The following TUBGCP5 variants were observed in gnomAD, a reference collection of about 807,000 sequenced individuals.
TUBGCP5 encodes the protein gamma-tubulin complex component 5.
In TUBGCP5, 98 loss-of-function variants were observed where a neutral mutation model predicts 134.7. That is an observed-to-expected ratio of 0.73 (90% confidence interval 0.62 to 0.86). The LOEUF is 0.86. TUBGCP5 is among the 40% of genes least tolerant of loss of function. TUBGCP5 has a pLI of 0.00. For synonymous variants in TUBGCP5, 456 were observed against 431.4 expected (o/e 1.06, Z -0.71); for missense variants, 1,150 against 1,244.8 (o/e 0.92, Z 1.15).
intron 21 of TUBGCP5, among the ~76,000 whole-genome samples, 181 bp downstream of exon 21, chr15:23,002,884 C>T (rs1346672440): frequency 6.9e-6 from 1 of 145,608 alleles, no homozygotes; most frequent in East Asian, 2.0e-4. Flanking sequence ...AATACTTGCA[C>T]TTTTTTTTTT....
chr15:23,004,159 A>C lies in TUBGCP5; in HGVS notation c.2781T>G (p.Ile927Met). Reference sequence around the variant, plus strand: ...TTGACAGATACCTATAGTGAATTTTAATCAATTGATCTAAATCCTTGGCTT... The same window carrying C: ...TTGACAGATACCTATAGTGAATTTTCATCAATTGATCTAAATCCTTGGCTT... ...VEEAKDLDQL[I>M]KIHYRYLSTI... Residue 927 changes from isoleucine (I) to methionine (M), a missense_variant, in exon 20 of 23, where the codon ATT becomes ATG. Around this residue, in one of 2 missense-constraint regions of TUBGCP5, gnomAD observed 697 missense variants for 850.1 expected, o/e 0.82. Coordinates refer to ENST00000615383, the MANE Select transcript of TUBGCP5 (RefSeq NM_052903.6). The C allele has an allele frequency of 6.2e-7, 1 of 1,613,392 alleles. No homozygotes were observed. Among genetic ancestry groups the C allele is most frequent in the Non-Finnish European group, 8.5e-7 (1 of 1,179,740 alleles).
chr15:23,004,041 A>G, intron 20 of TUBGCP5, 61 bp downstream of exon 20: 3 of 1,526,898 alleles, frequency 2.0e-6, no homozygotes, highest in South Asian at 1.3e-5. Flanking sequence ...AAAATTCCAA[A>G]GCACGCAGAC....
At position 23,006,327 on chromosome 15, in the gene TUBGCP5, C is replaced by T; in HGVS notation, c.2353G>A (p.Asp785Asn). Reference sequence around the variant, plus strand: ...ACAGGCAGCTTCTTCTTAGCTGTGTCAACATTTTCAAAAGATATAGATAGA... The same window carrying T: ...ACAGGCAGCTTCTTCTTAGCTGTGTTAACATTTTCAAAAGATATAGATAGA... ...SRLSISFENV[D>N]TAKKKLPVHI... The change falls in exon 17 of 23, where the codon GAC (aspartate) becomes AAC (asparagine). Residue 785 changes from aspartate to asparagine, a missense_variant. Around this residue, in one of 2 missense-constraint regions of TUBGCP5, gnomAD observed 697 missense variants for 850.1 expected, o/e 0.82. Coordinates refer to ENST00000615383, the MANE Select transcript of TUBGCP5 (RefSeq NM_052903.6). 2 of 1,606,860 alleles carry T rather than the reference C, an allele frequency of 1.2e-6. No homozygotes were observed. Among genetic ancestry groups the T allele is most frequent in the Non-Finnish European group, 1.7e-6 (2 of 1,178,518 alleles).
chr15:22,996,898 T>G (rs2064106010), downstream of TUBGCP5: 1 of 151,974 alleles, frequency 6.6e-6, no homozygotes, highest in Non-Finnish European at 1.5e-5. Context: ...TCCCCGGAGG[T>G]TGAGGCTTCA....
intron 1 of TUBGCP5, among the ~76,000 whole-genome samples, chr15:23,037,403 CTTCCCA>C (rs2066656479): frequency 6.6e-6 from 1 of 152,166 alleles, no homozygotes; most frequent in African/African-American, 2.4e-5. Context: ...GCTCCTCTGT[CTTCCCA>C]TAAGCCCCTG....
Position 23,010,101 on chromosome 15 carries a change from T to A in TUBGCP5, c.1988A>T (p.Lys663Met). ...CACACATACATCACCACCAGCAAACTTCTCGTGAAAGTCACTCTGCTCCAA... is the reference window on the plus strand; with the variant it reads ...CACACATACATCACCACCAGCAAACATCTCGTGAAAGTCACTCTGCTCCAA... ...MYLEQSDFHE[K>M]FAGGDVCVDR... The change falls in exon 15 of 23, where the codon AAG becomes ATG. Residue 663 changes from lysine to methionine, a missense_variant. This residue lies in a region of TUBGCP5 where 697 missense variants were observed against 850.1 expected (regional missense o/e 0.82). Coordinates refer to ENST00000615383, the MANE Select transcript of TUBGCP5 (RefSeq NM_052903.6). 1 of 1,613,978 alleles carries A rather than the reference T, an allele frequency of 6.2e-7. No individual in the cohort carries two copies. Among genetic ancestry groups the A allele is most frequent in the Non-Finnish European group, 8.5e-7 (1 of 1,179,948 alleles).
At chr15:23,039,372 A>C (rs2066790907) in intron 1 of TUBGCP5, 26 bp downstream of exon 1, 1 of 1,396,708 alleles carries the variant, frequency 7.2e-7, no homozygotes, top group Non-Finnish European at 9.4e-7. Context: ...GTGGCCGGGA[A>C]CCCGCCCGCG....
intron 23 of TUBGCP5, among the ~76,000 whole-genome samples, chr15:22,987,657 G>A (rs1382589109): frequency 6.6e-6 from 1 of 151,612 alleles, no homozygotes; most frequent in African/African-American, 2.4e-5. Context: ...AGCACTTTGG[G>A]AGGCTGAGGT....
intron 6 of TUBGCP5, among the ~76,000 whole-genome samples, chr15:23,028,761 T>C (rs938189147): frequency 2.0e-5 from 3 of 152,182 alleles, no homozygotes; most frequent in Non-Finnish European, 2.9e-5. Context: ...TCCCATGAGC[T>C]GTTGCTTCTG....
chr15:22,995,752 C>T (rs138825887), downstream of TUBGCP5, among the ~76,000 whole-genome samples: 710 of 152,134 alleles, frequency 4.7e-3, 3 homozygotes, highest in Non-Finnish European at 5.3e-3. Flanking sequence ...ACAGAACACA[C>T]CCATCACCCC....
rs2065850364 is a variant in TUBGCP5 at position 23,023,952 on chromosome 15, T to C, written c.1163A>G (p.Asn388Ser). The change falls in exon 10 of 23, where the codon AAT becomes AGT. Residue 388 changes from asparagine to serine, a missense_variant. By Grantham distance (46) the Asn-to-Ser change is conservative (BLOSUM62 1). Coordinates refer to ENST00000615383, the MANE Select transcript of TUBGCP5 (RefSeq NM_052903.6). ...AGATGAAGAACATTTAATACCATTA[T>C]TGATGATGCACTTCTCAATTTCTGC... ...ELAEIEKCIINNDTTITLAIV... is the reference protein window; with the variant it reads ...ELAEIEKCIISNDTTITLAIV... 6.2e-7 allele frequency: 1 copy of C among 1,613,874 alleles called. No homozygotes were observed. Among genetic ancestry groups the C allele is most frequent in the Non-Finnish European group, 8.5e-7 (1 of 1,179,884 alleles).
chr15:23,039,537 G>C lies in TUBGCP5; in HGVS notation c.7C>G (p.Arg3Gly), dbSNP rs780446681. 2 of 1,469,508 alleles carry C rather than the reference G, an allele frequency of 1.4e-6. No homozygotes were observed. Among genetic ancestry groups the C allele is most frequent in the Non-Finnish European group, 1.8e-6 (2 of 1,097,340 alleles). The allele number at this position is 1,469,508 out of a possible 1,614,324, so 91.0% of individuals were successfully genotyped here. MA[R>G]HGPPWSRLDA... Reference sequence around the variant, plus strand: ...AACCGACTCCACGGTGGCCCGTGCCGCGCCATGTTCCGCGCTCCTGCAGCG... The same window carrying C: ...AACCGACTCCACGGTGGCCCGTGCCCCGCCATGTTCCGCGCTCCTGCAGCG... Residue 3 changes from arginine (R) to glycine (G), a missense_variant, in exon 1 of 23, where the codon CGG becomes GGG. Physicochemically the swap from Arg to Gly is moderately radical, Grantham distance 125. This residue lies in a region of TUBGCP5 where 453 missense variants were observed against 394.7 expected (regional missense o/e 1.15). Transcript: ENST00000615383.
rs146069907 is a variant in TUBGCP5, at chr15:23,038,906, G to A, written c.146+492C>T. Among the ~76,000 whole-genome samples, 445 of 152,268 alleles carry A rather than the reference G, an allele frequency of 2.9e-3. 1 individual carries two copies. The highest frequency in any genetic ancestry group is 3.2e-3 in the Non-Finnish European group (218 of 68,018). ...GCATTCTAGCTGGAGTGGAAGTGGA[G>A]GAGACAGTAATGACAGGTTAAATCA... On this transcript the variant is annotated intron_variant, in intron 1 of 22. Coordinates refer to ENST00000615383, the MANE Select transcript of TUBGCP5 (RefSeq NM_052903.6).
intron 23 of TUBGCP5, among the ~76,000 whole-genome samples, chr15:22,993,720 T>C (rs1269961453): frequency 6.6e-6 from 1 of 151,400 alleles, no homozygotes; most frequent in Non-Finnish European, 1.5e-5. Flanking sequence ...AGTTCTTGTA[T>C]TTTCAGTAGA....
chr15:23,022,280 G>C, intron 10 of TUBGCP5, 119 bp from the exon 11 acceptor site: 1 of 977,654 alleles, frequency 1.0e-6, no homozygotes, highest in Non-Finnish European at 1.6e-6. Context: ...GAGGACGGTG[G>C]ATTTTAATCT....
rs1221268915 is a variant in TUBGCP5, at chr15:23,026,175, C to A, written c.768G>T (p.Leu256Phe). The A allele has an allele frequency of 1.9e-6, 3 of 1,612,548 alleles. No homozygotes were observed. Among genetic ancestry groups the A allele is most frequent in the Non-Finnish European group, 2.5e-6 (3 of 1,179,614 alleles). Residue 256 changes from leucine to phenylalanine, a missense_variant, in exon 8 of 23, where the codon TTG becomes TTT. Coordinates refer to ENST00000615383, the MANE Select transcript of TUBGCP5 (RefSeq NM_052903.6). Reference protein sequence around the residue: ...WDQHLYSSDPLYVPDDRVLVT... With the variant: ...WDQHLYSSDPFYVPDDRVLVT... ...CCAAAACCCTGTCATCTGGAACATACAATGGATCACTGCTGTACAAGTGTT... is the reference window on the plus strand; with the variant it reads ...CCAAAACCCTGTCATCTGGAACATAAAATGGATCACTGCTGTACAAGTGTT...
intron 23 of TUBGCP5, among the ~76,000 whole-genome samples, chr15:22,987,292 C>G (rs1024317182): frequency 6.6e-6 from 1 of 150,806 alleles, no homozygotes; most frequent in Non-Finnish European, 1.5e-5. Context: ...CAAGATCACT[C>G]CATTGTGCAC....
At chr15:22,997,907 T>C (rs2064169016), downstream of TUBGCP5, among the ~76,000 whole-genome samples, 2 of 149,870 alleles carry the variant, frequency 1.3e-5, no homozygotes, top group African/African-American at 2.5e-5. Context: ...TGAGTCACTA[T>C]GTGTGGCCTT....
At chr15:22,988,329 T>C (rs1224157476) in intron 23 of TUBGCP5, among the ~76,000 whole-genome samples, 2 of 151,868 alleles carry the variant, frequency 1.3e-5, no homozygotes, top group African/African-American at 2.4e-5. Context: ...CCACAAGTCA[T>C]AGAATGCTGG....
Sources: allele counts gnomAD v4.1 joint callset (sites outside exome capture counted in the v4.1 genomes callset), GRCh38; gene constraint gnomAD v4.1.1; regional missense constraint gnomAD v4.1.1; transcripts MANE v1.5; gene names NCBI Gene and HGNC (gene_info 2026-07-23, HGNC 2026-07-21).